IRS1: variants seen among roughly 807,000 people sequenced by gnomAD.
IRS1 encodes the protein insulin receptor substrate 1.
A neutral mutation model predicts 65.6 loss-of-function variants in IRS1; 34 were observed. The ratio of observed to expected loss-of-function variants is 0.52; its 90% CI spans 0.39 to 0.69. IRS1 has a LOEUF of 0.69. IRS1 is among the 30% of genes least tolerant of loss of function. The probability of loss-of-function intolerance (pLI) is 0.00; values close to 1 mark genes in which losing one functional copy is unlikely to be tolerated. For synonymous variants in IRS1, 699 were observed against 683.5 expected, an observed-to-expected ratio of 1.02 and a Z score of -0.35; for missense variants, 1,641 against 1,720.2, an observed-to-expected ratio of 0.95 and a Z score of 0.81.
Position 226,797,543 on chromosome 2 carries a change from C to T in IRS1, c.1196G>A (p.Gly399Asp), listed in dbSNP as rs1184318905. 5 of 1,607,798 alleles carry T rather than the reference C, an allele frequency of 3.1e-6. No homozygotes were observed. The highest frequency in any genetic ancestry group is 4.2e-6 in the Non-Finnish European group (5 of 1,178,006). Reference protein sequence around the residue: ...PVSLSSSSTSGHGSTSDCLFP... With the variant: ...PVSLSSSSTSDHGSTSDCLFP... ...GAGACAATCCGAGGTGGAGCCATGG[C>T]CACTGGTGCTACTGGACGACAGACT... The change falls in exon 1 of 2, where the codon GGC (glycine) becomes GAC (aspartate). Residue 399 changes from glycine to aspartate, a missense_variant. Coordinates refer to ENST00000305123, the MANE Select transcript of IRS1 (RefSeq NM_005544.3). The surrounding 1 kb of genome is among the most constrained non-coding windows in gnomAD (Gnocchi z 8.1).
chr2:226,761,343 T>C (rs1938910966), intron 1 of IRS1, among the ~76,000 whole-genome samples: 1 of 152,148 alleles, frequency 6.6e-6, no homozygotes, highest in African/African-American at 2.4e-5. Flanking sequence ...AGAGGACAAC[T>C]ACAGGGGGCA....
At chr2:226,740,866 A>G (rs1229386651) in intron 1 of IRS1, among the ~76,000 whole-genome samples, 3 of 152,174 alleles carry the variant, frequency 2.0e-5, no homozygotes, top group African/African-American at 4.8e-5. Flanking sequence ...CCTTTTTTCA[A>G]TAGAGGTCAT....
intron 1 of IRS1, among the ~76,000 whole-genome samples, chr2:226,793,209 G>T (rs1043413718): frequency 6.6e-6 from 1 of 152,110 alleles, no homozygotes; most frequent in Non-Finnish European, 1.5e-5. Flanking sequence ...TCTATAAAAA[G>T]AAACCTAAAC....
intron 1 of IRS1, among the ~76,000 whole-genome samples, chr2:226,775,796 G>A (rs142981819): frequency 1.3e-4 from 20 of 152,088 alleles, no homozygotes; most frequent in African/African-American, 2.7e-4. Flanking sequence ...CACATCCTCC[G>A]GTATACTGTA....
chr2:226,796,862 C>T lies in IRS1; in HGVS notation c.1877G>A (p.Arg626Gln), dbSNP rs770397566. 1.2e-5 allele frequency: 19 copies of T among 1,539,934 alleles called. No individual in the cohort carries two copies. Among genetic ancestry groups the T allele is most frequent in the Middle Eastern group, 1.8e-4 (1 of 5,688 alleles). Residue 626 changes from arginine (R) to glutamine (Q), a missense_variant, in exon 1 of 2, where the codon CGA (arginine) becomes CAA (glutamine). Physicochemically the swap from Arg to Gln is conservative, Grantham distance 43. Transcript: ENST00000305123. ...GGGCATATAGTCTCCACTGCCCTTT[C>T]GGCCACTGGGCACTGGGGCCACCCC... Reference protein sequence around the residue: ...SPGVAPVPSGRKGSGDYMPMS... With the variant: ...SPGVAPVPSGQKGSGDYMPMS...
rs748250973 is a variant in IRS1 at position 226,735,504 on chromosome 2, G to A, written c.*768C>T. 1 of 152,462 alleles carries A rather than the reference G, an allele frequency of 6.6e-6. No individual in the cohort carries two copies. Among genetic ancestry groups the A allele is most frequent in the Non-Finnish European group, 1.5e-5 (1 of 68,018 alleles). 9.4% of individuals were successfully genotyped at this position (152,462 alleles called of 1,614,324 possible). ...CTTACAGGAAAAAATACAAAATTAAGATTAATTCTTATAAGGAACTCAGCT... is the reference window on the plus strand; with the variant it reads ...CTTACAGGAAAAAATACAAAATTAAAATTAATTCTTATAAGGAACTCAGCT... On this transcript the variant is annotated 3_prime_UTR_variant, in exon 2 of 2. Transcript: ENST00000305123.
chr2:226,745,790 C>T (rs550812475), intron 1 of IRS1, among the ~76,000 whole-genome samples: 4 of 152,322 alleles, frequency 2.6e-5, no homozygotes, highest in African/African-American at 9.6e-5. Flanking sequence ...GCCAAAAACA[C>T]TGTGGTGGAA....
At chr2:226,778,539 T>C (rs1247905050) in intron 1 of IRS1, among the ~76,000 whole-genome samples, 2 of 151,832 alleles carry the variant, frequency 1.3e-5, no homozygotes, top group Non-Finnish European at 2.9e-5. Context: ...TCTAACAGAA[T>C]TTAAAAAAAA....
intron 1 of IRS1, among the ~76,000 whole-genome samples, chr2:226,776,473 A>C (rs1174276352): frequency 1.3e-5 from 2 of 152,166 alleles, no homozygotes; most frequent in Non-Finnish European, 2.9e-5. Context: ...GGCTAAATTT[A>C]TAGCAGAAAA....
In IRS1 at chr2:226,796,565, AGCTTAC is replaced by A; in HGVS notation, c.2168_2173del (p.Gly723_Leu725delinsVal). 1 of 1,613,902 alleles carries A rather than the reference AGCTTAC, an allele frequency of 6.2e-7. No individual in the cohort carries two copies. Among genetic ancestry groups the A allele is most frequent in the Non-Finnish European group, 8.5e-7 (1 of 1,179,982 alleles). On this transcript the variant is annotated inframe_deletion, in exon 1 of 2. Coordinates refer to ENST00000305123, the MANE Select transcript of IRS1 (RefSeq NM_005544.3). ...CATGTAGTCACCTGTGCAAGGTAAG[AGCTTAC>A]CACCGCTGCTCTCCACTGGGGGTTT...
intron 1 of IRS1, among the ~76,000 whole-genome samples, chr2:226,744,071 A>G (rs570170311): frequency 1.3e-5 from 2 of 152,316 alleles, no homozygotes; most frequent in East Asian, 3.9e-4. Flanking sequence ...CAGTTTTTCC[A>G]TAATAGCCCA....
chr2:226,752,638 C>T (rs536448819), intron 1 of IRS1, among the ~76,000 whole-genome samples: 1 of 152,376 alleles, frequency 6.6e-6, no homozygotes, highest in African/African-American at 2.4e-5. Context: ...CACTGCTGGA[C>T]AGTGCAATTC....
In IRS1 at chr2:226,734,440, C is replaced by T. The variant is rs1202082795; in HGVS notation, c.*1832G>A. The T allele has an allele frequency of 6.6e-6, 1 of 152,160 alleles. No individual in the cohort carries two copies. Among genetic ancestry groups the T allele is most frequent in the Non-Finnish European group, 1.5e-5 (1 of 68,058 alleles). The allele number at this position is 152,160 out of a possible 1,614,324, so 9.4% of individuals were successfully genotyped here. On this transcript the variant is annotated 3_prime_UTR_variant, in exon 2 of 2. Coordinates refer to ENST00000305123, the MANE Select transcript of IRS1 (RefSeq NM_005544.3). The stretch of plus-strand genomic sequence containing the variant: ...CTGGCTGAATGAACAGTAACACGGG[C>T]CTCAGCAGTGTGAGGGGTTCCATTT...
intron 1 of IRS1, among the ~76,000 whole-genome samples, chr2:226,786,058 A>G (rs918784645): frequency 2.7e-5 from 4 of 149,520 alleles, no homozygotes; most frequent in Admixed American, 6.7e-5. Flanking sequence ...CCATGTCCCT[A>G]CAAAGGACAT....
intron 1 of IRS1, among the ~76,000 whole-genome samples, chr2:226,778,502 T>C (rs1319316073): frequency 2.0e-5 from 3 of 152,060 alleles, no homozygotes; most frequent in Non-Finnish European, 4.4e-5. Context: ...TTCAAGATAG[T>C]CTTTCCTCCC....
intron 1 of IRS1, among the ~76,000 whole-genome samples, chr2:226,763,206 T>A (rs1401756782): frequency 6.6e-5 from 10 of 152,174 alleles, no homozygotes; most frequent in Non-Finnish European, 1.5e-4. Context: ...TGGAGGGGCA[T>A]CTTAGTTTGA....
In IRS1 at chr2:226,779,586, GA is replaced by G. The variant is rs531884656; in HGVS notation, c.*21+15402del. Among the ~76,000 whole-genome samples, 483 of 152,308 alleles carry G rather than the reference GA, an allele frequency of 3.2e-3. 2 individuals carry two copies. Among genetic ancestry groups the G allele is most frequent in the African/African-American group, 0.011 (470 of 41,560 alleles). On this transcript the variant is annotated intron_variant, in intron 1 of 1. Coordinates refer to ENST00000305123, the MANE Select transcript of IRS1 (RefSeq NM_005544.3). ...TCAACCGTGAAGGGCCAATAAAACT[GA>G]AGTCTTATTTAAAATAAAATAGAAC...
At chr2:226,792,648 A>G (rs1048369017) in intron 1 of IRS1, among the ~76,000 whole-genome samples, 1 of 152,224 alleles carries the variant, frequency 6.6e-6, no homozygotes, top group Non-Finnish European at 1.5e-5. Context: ...AGATGTTTCA[A>G]CAGAGCCCAC....
chr2:226,774,487 C>T (rs926289400), intron 1 of IRS1, among the ~76,000 whole-genome samples: 1 of 151,838 alleles, frequency 6.6e-6, no homozygotes, highest in Non-Finnish European at 1.5e-5. Context: ...CACTGTACTA[C>T]AGAATGTTGG....
Sources: allele counts gnomAD v4.1 joint callset (sites outside exome capture counted in the v4.1 genomes callset), GRCh38; gene constraint gnomAD v4.1.1; non-coding constraint Gnocchi (gnomAD v3.1); transcripts MANE v1.5; gene names NCBI Gene and HGNC (gene_info 2026-07-23, HGNC 2026-07-21).